Variants in SLC4A5 observed in about 807,000 individuals in gnomAD.
SLC4A5 encodes the protein electrogenic sodium bicarbonate cotransporter 4.
SLC4A5 carries 96 observed loss-of-function variants against 120.4 expected under a neutral mutation model. The observed-to-expected ratio is 0.80, with a 90% confidence interval of 0.68 to 0.94. SLC4A5 has a LOEUF of 0.94. SLC4A5 is among the 40% of genes least tolerant of loss of function. The pLI, the probability that SLC4A5 is intolerant of heterozygous loss-of-function variation, is 0.00. For synonymous variants in SLC4A5, 550 were observed against 571.1 expected (o/e 0.96, Z 0.53); for missense variants, 1,259 against 1,459.5 (o/e 0.86, Z 2.24).
At chr2:74,268,077 G>C (rs913623784) in intron 8 of SLC4A5, among the ~76,000 whole-genome samples, 1 of 151,830 alleles carries the variant, frequency 6.6e-6, no homozygotes. Context: ...TGAAAATCTC[G>C]AGTAAGTTAC....
At chr2:74,264,053 G>C in intron 10 of SLC4A5, 94 bp downstream of exon 10, 1 of 1,469,264 alleles carries the variant, frequency 6.8e-7, no homozygotes, top group Non-Finnish European at 9.1e-7. Flanking sequence ...AATTTCTCCA[G>C]AAACTCCCAG....
chr2:74,241,280 T>TATTATTATC (rs1465997060), intron 20 of SLC4A5, among the ~76,000 whole-genome samples: 1 of 150,292 alleles, frequency 6.7e-6, no homozygotes, highest in East Asian at 2.0e-4. Flanking sequence ...TTATTATTAT[T>TATTATTATC]ATTGAGACAG....
chr2:74,281,082 T>C (rs1053691052), intron 8 of SLC4A5, among the ~76,000 whole-genome samples: 21 of 152,250 alleles, frequency 1.4e-4, no homozygotes, highest in Admixed American at 1.1e-3. Context: ...CCTATGTGCA[T>C]AGAACCATTC....
At chr2:74,328,075 C>A in intron 5 of SLC4A5, 45 bp downstream of exon 5, 1 of 956,840 alleles carries the variant, frequency 1.0e-6, no homozygotes, top group Non-Finnish European at 1.2e-6. Context: ...CCCTTATCTG[C>A]ATAGCTCTGT....
Position 74,326,908 on chromosome 2 carries a change from G to A in SLC4A5, c.-3+1212C>T, listed in dbSNP as rs140344200. On this transcript the variant is annotated intron_variant, in intron 5 of 30. Transcript: ENST00000394019. ...CCAAGCAGACTGCATGCCCAAAGCA[G>A]CAAGGTGGTGGTGACACAGCTAGCT... Among the ~76,000 whole-genome samples the A allele has an allele frequency of 5.7e-3, 871 of 152,276 alleles. 10 individuals carry two copies. Among genetic ancestry groups the A allele is most frequent in the South Asian group, 0.014 (66 of 4,828 alleles).
At chr2:74,306,987 T>A (rs1171154887) in intron 6 of SLC4A5, 2 of 597,104 alleles carry the variant, frequency 3.3e-6, no homozygotes, top group African/African-American at 3.7e-5. Context: ...TGATTCCAGG[T>A]GCAGCAGGAT....
chr2:74,230,150 T>C (rs1695011708), intron 25 of SLC4A5, among the ~76,000 whole-genome samples: 1 of 152,112 alleles, frequency 6.6e-6, no homozygotes, highest in South Asian at 2.1e-4. Flanking sequence ...ATGAGCTGTT[T>C]TGAGATATTC....
intron 10 of SLC4A5, among the ~76,000 whole-genome samples, chr2:74,263,622 C>T (rs1011293887): frequency 5.3e-5 from 8 of 152,194 alleles, no homozygotes; most frequent in Non-Finnish European, 8.8e-5. Context: ...ACCAGATCTA[C>T]AAGCCCTGGC....
intron 21 of SLC4A5, among the ~76,000 whole-genome samples, chr2:74,238,319 CCAAA>C (rs991530209): frequency 3.6e-4 from 54 of 152,046 alleles, no homozygotes; most frequent in African/African-American, 1.2e-3. Flanking sequence ...TTAATTCTTC[CCAAA>C]CAGAGGCAAA....
intron 4 of SLC4A5, 57 bp downstream of exon 4, chr2:74,333,970 A>G (rs1673425912): frequency 6.6e-6 from 1 of 152,230 alleles, no homozygotes; most frequent in Admixed American, 6.5e-5. Context: ...GGGCCCTGGC[A>G]GGCTTATCTA....
At chr2:74,325,715 C>T (rs539456600) in intron 5 of SLC4A5, among the ~76,000 whole-genome samples, 86 of 152,228 alleles carry the variant, frequency 5.6e-4, no homozygotes, top group Non-Finnish European at 9.1e-4. Context: ...AATTTTCACC[C>T]ACATTTTATA....
At chr2:74,310,517 T>C (rs13400413) in intron 6 of SLC4A5, among the ~76,000 whole-genome samples, 5,835 of 152,256 alleles carry the variant, frequency 0.038, 385 homozygotes, top group African/African-American at 0.13. Context: ...TGAATAGGTG[T>C]TGGATTTTGT....
chr2:74,337,823 T>C (rs1673533030), intron 3 of SLC4A5, among the ~76,000 whole-genome samples: 1 of 152,240 alleles, frequency 6.6e-6, no homozygotes, highest in South Asian at 2.1e-4. Context: ...TTGTGCTCCT[T>C]TCATTCTCAA....
Position 74,252,305 on chromosome 2 carries a change from C to T in SLC4A5, c.1352G>A (p.Gly451Glu), listed in dbSNP as rs770640563. Residue 451 changes from glycine to glutamate, a missense_variant, in exon 16 of 31, where the codon GGA (glycine) becomes GAA (glutamate). By Grantham distance (98) the Gly-to-Glu change is moderately conservative. Coordinates refer to ENST00000394019, the Ensembl canonical transcript of SLC4A5. ...GCCACTGCCACCACCACCACCACCT[C>T]CATTGCCTCCTCCAGGAGCTCCGCC... 1.1e-5 allele frequency: 18 copies of T among 1,612,934 alleles called. No homozygotes were observed. The highest frequency in any genetic ancestry group is 9.9e-5 in the South Asian group (9 of 91,084).
At chr2:74,250,430 G>A in exon 17 of SLC4A5, 1 of 1,614,228 alleles carries the variant, frequency 6.2e-7, no homozygotes, top group Non-Finnish European at 8.5e-7. Flanking sequence ...GGATGGCAGA[G>A]ATGGACTGAA....
At chr2:74,293,935 A>G (rs540165848) in intron 7 of SLC4A5, among the ~76,000 whole-genome samples, 9 of 152,320 alleles carry the variant, frequency 5.9e-5, no homozygotes, top group Middle Eastern at 3.4e-3. Flanking sequence ...GATTAAGCCT[A>G]GTCATGTGAA....
intron 14 of SLC4A5, among the ~76,000 whole-genome samples, chr2:74,254,353 C>T (rs1396804231): frequency 6.6e-6 from 1 of 152,276 alleles, no homozygotes; most frequent in Non-Finnish European, 1.5e-5. Flanking sequence ...AGCTTTAAAG[C>T]CCCCTCATCT....
At chr2:74,291,894 C>G (rs1322659491) in intron 7 of SLC4A5, among the ~76,000 whole-genome samples, 1 of 152,206 alleles carries the variant, frequency 6.6e-6, no homozygotes, top group East Asian at 1.9e-4. Flanking sequence ...TTCTGAGTGG[C>G]CACAGCAGGC....
intron 21 of SLC4A5, among the ~76,000 whole-genome samples, chr2:74,238,640 A>G (rs1477163216): frequency 6.6e-6 from 1 of 152,206 alleles, no homozygotes; most frequent in Non-Finnish European, 1.5e-5. Context: ...AAAATACTGG[A>G]ACAATTGACT....
Sources: allele counts gnomAD v4.1 joint callset (sites outside exome capture counted in the v4.1 genomes callset), GRCh38; gene constraint gnomAD v4.1.1; transcripts MANE v1.5; gene names NCBI Gene and HGNC (gene_info 2026-07-23, HGNC 2026-07-21).